Variants in RASSF8 observed in about 807,000 individuals in gnomAD.
The protein encoded by RASSF8 is ras association domain-containing protein 8.
Under a neutral mutation model 48.5 loss-of-function variants are expected in RASSF8, and 22 were observed. That is an observed-to-expected ratio of 0.45 (90% confidence interval 0.32 to 0.65). RASSF8 has a LOEUF of 0.65. RASSF8 is among the 30% of genes least tolerant of loss of function. The probability of loss-of-function intolerance (pLI) is 0.03; values close to 1 mark genes in which losing one functional copy is unlikely to be tolerated. For missense variants in RASSF8, 418 were observed against 489.2 expected, an observed-to-expected ratio of 0.85 and a Z score of 1.37; for synonymous variants, 127 against 171.5, an observed-to-expected ratio of 0.74 and a Z score of 2.03.
At chr12:26,073,640 G>A (rs2137351101), downstream of RASSF8, among the ~76,000 whole-genome samples, 1 of 152,008 alleles carries the variant, frequency 6.6e-6, no homozygotes, top group South Asian at 2.1e-4. Flanking sequence ...TCAGGAGGCT[G>A]AGGTGGGAGA....
At chr12:25,986,926 T>TGTTTG (rs57041013) in intron 1 of RASSF8, among the ~76,000 whole-genome samples, 11,965 of 146,630 alleles carry the variant, frequency 0.082, 646 homozygotes, top group East Asian at 0.16. Flanking sequence ...CGTTTTTTTT[T>TGTTTG]TTTGTTTGTT....
chr12:25,968,190 G>T (rs531535160), intron 1 of RASSF8, among the ~76,000 whole-genome samples: 2 of 152,260 alleles, frequency 1.3e-5, no homozygotes, highest in African/African-American at 4.8e-5. Context: ...CATGCCACAG[G>T]CATCCATATC....
At chr12:26,078,036 G>A (rs770111333) in intron 5 of RASSF8, among the ~76,000 whole-genome samples, 2 of 152,256 alleles carry the variant, frequency 1.3e-5, no homozygotes, top group South Asian at 2.1e-4. Flanking sequence ...GAGTAAATCC[G>A]GGAAGACTCT....
chr12:26,012,243 G>C lies in RASSF8; in HGVS notation c.-109+17113G>C, dbSNP rs151062895. ...AATACCTACCTTACAAGATTATTAT[G>C]AGACTTAAATAAATTGACACATTCA... On this transcript the variant is annotated intron_variant, in intron 2 of 5. Coordinates refer to ENST00000689635, the MANE Select transcript of RASSF8 (RefSeq NM_001394098.1). 1.4e-3 allele frequency among the ~76,000 whole-genome samples: 218 copies of C among 152,290 alleles called. 1 individual carries two copies. Among genetic ancestry groups the C allele is most frequent in the South Asian group, 9.5e-3 (46 of 4,826 alleles).
chr12:25,997,317 A>G (rs1347371177), intron 2 of RASSF8, among the ~76,000 whole-genome samples: 1 of 152,136 alleles, frequency 6.6e-6, no homozygotes, highest in Non-Finnish European at 1.5e-5. Context: ...GATAAACAGG[A>G]CTTAGTTCTA....
At position 26,065,154 on chromosome 12, in the gene RASSF8, T is replaced by C. The variant is rs778299936; in HGVS notation, c.760T>C (p.Cys254Arg). 1 of 1,613,886 alleles carries C rather than the reference T, an allele frequency of 6.2e-7. No homozygotes were observed. The highest frequency in any genetic ancestry group is 8.5e-7 in the Non-Finnish European group (1 of 1,179,934). The change falls in exon 4 of 6, where the codon TGT becomes CGT. Residue 254 changes from cysteine to arginine, a missense_variant. By Grantham distance (180) the Cys-to-Arg change is radical. Transcript: ENST00000689635. ...AGAAATAAGACAGAAAATAACAGAATGTGAAAACAAATTAAAGGACTATTT... is the reference window on the plus strand; with the variant it reads ...AGAAATAAGACAGAAAATAACAGAACGTGAAAACAAATTAAAGGACTATTT... ...LQEIRQKITECENKLKDYLAQ... is the reference protein window; with the variant it reads ...LQEIRQKITERENKLKDYLAQ...
At chr12:25,993,593 A>G (rs1214661040) in intron 1 of RASSF8, among the ~76,000 whole-genome samples, 1 of 152,172 alleles carries the variant, frequency 6.6e-6, no homozygotes, top group East Asian at 1.9e-4. Context: ...CTTGGTTTTC[A>G]ATTTGCTATC....
intron 3 of RASSF8, among the ~76,000 whole-genome samples, chr12:26,056,813 A>C (rs1943612867): frequency 6.6e-6 from 1 of 152,242 alleles, no homozygotes. Context: ...CTTAAGTTTA[A>C]TTATTAAAGA....
intron 1 of RASSF8, among the ~76,000 whole-genome samples, chr12:25,982,314 C>T (rs1385042562): frequency 6.6e-6 from 1 of 152,048 alleles, no homozygotes; most frequent in African/African-American, 2.4e-5. Context: ...ATTTAGATTA[C>T]AAATAGTAGT....
In RASSF8 at chr12:26,069,661, T is replaced by C. The variant is rs1943959461; in HGVS notation, c.*843T>C. ...GTCTTATCATTTACACTCATGGATCTTCAGAATTAATCTAACATGGAAGTT... is the reference window on the plus strand; with the variant it reads ...GTCTTATCATTTACACTCATGGATCCTCAGAATTAATCTAACATGGAAGTT... On this transcript the variant is annotated 3_prime_UTR_variant, in exon 6 of 6. Coordinates refer to ENST00000689635, the MANE Select transcript of RASSF8 (RefSeq NM_001394098.1). 10 of 985,452 alleles carry C rather than the reference T, an allele frequency of 1.0e-5. No homozygotes were observed. The highest frequency in any genetic ancestry group is 1.2e-5 in the Non-Finnish European group (10 of 829,932). The allele number at this position is 985,452 out of a possible 1,614,324, so 61.0% of individuals were successfully genotyped here.
At chr12:26,033,688 T>A (rs1943073918) in intron 2 of RASSF8, among the ~76,000 whole-genome samples, 5 of 152,148 alleles carry the variant, frequency 3.3e-5, no homozygotes, top group Admixed American at 6.5e-5. Context: ...TGAAATTTTT[T>A]AATGGCATAT....
At position 26,072,581 on chromosome 12, in the gene RASSF8, A is replaced by G; in HGVS notation, c.*3763A>G. 3 of 985,376 alleles carry G rather than the reference A, an allele frequency of 3.0e-6. No homozygotes were observed. Among genetic ancestry groups the G allele is most frequent in the Non-Finnish European group, 3.6e-6 (3 of 829,878 alleles). The allele number at this position is 985,376 out of a possible 1,614,324, so 61.0% of individuals were successfully genotyped here. The stretch of plus-strand genomic sequence containing the variant: ...TAGATTTACAGCCAGACATGGTGAT[A>G]GCCCTAAATGTATTTCTCAATATGT... On this transcript the variant is annotated 3_prime_UTR_variant, in exon 6 of 6. Coordinates refer to ENST00000689635, the MANE Select transcript of RASSF8 (RefSeq NM_001394098.1).
intron 2 of RASSF8, among the ~76,000 whole-genome samples, chr12:26,010,682 T>C (rs1048091781): frequency 3.9e-5 from 6 of 152,316 alleles, no homozygotes; most frequent in African/African-American, 1.4e-4. Flanking sequence ...TCAGTCACTT[T>C]AAGGAATAGG....
At chr12:26,073,754 C>CT (rs1565653835), downstream of RASSF8, among the ~76,000 whole-genome samples, 216 of 112,674 alleles carry the variant, frequency 1.9e-3, no homozygotes, top group African/African-American at 7.3e-3. Flanking sequence ...TCTATACACA[C>CT]ACACACACAC....
At chr12:25,980,547 T>A (rs1330337834) in intron 1 of RASSF8, among the ~76,000 whole-genome samples, 5 of 152,202 alleles carry the variant, frequency 3.3e-5, no homozygotes, top group African/African-American at 9.7e-5. Flanking sequence ...TTCCATTTTT[T>A]AAAAGCATCA....
At chr12:26,018,517 A>G (rs1942706553) in intron 2 of RASSF8, among the ~76,000 whole-genome samples, 1 of 152,222 alleles carries the variant, frequency 6.6e-6, no homozygotes, top group Non-Finnish European at 1.5e-5. Context: ...ATTAGTAACC[A>G]TAGAATGTGA....
intron 2 of RASSF8, among the ~76,000 whole-genome samples, chr12:26,046,846 A>G (rs893974296): frequency 7.2e-5 from 11 of 152,248 alleles, no homozygotes; most frequent in African/African-American, 2.7e-4. Context: ...TTATACTTAA[A>G]TCTACCTTAA....
chr12:26,064,866 A>T lies in RASSF8; in HGVS notation c.472A>T (p.Asn158Tyr). ...ETEFKQKVLN[N>Y]CKTTADELKK... is the part of the protein sequence containing the mutation. ...TGAGTTTAAGCAAAAGGTGCTGAAT[A>T]ACTGCAAAACAACAGCAGATGAGTT... Residue 158 changes from asparagine to tyrosine, a missense_variant, in exon 4 of 6, where the codon AAC (asparagine) becomes TAC (tyrosine). Asn to Tyr is a moderately radical substitution (Grantham distance 143). Transcript: ENST00000689635. The T allele has an allele frequency of 6.2e-7, 1 of 1,614,250 alleles. No homozygotes were observed. Among genetic ancestry groups the T allele is most frequent in the Non-Finnish European group, 8.5e-7 (1 of 1,180,034 alleles).
At chr12:26,025,877 G>T (rs1257051518) in intron 2 of RASSF8, among the ~76,000 whole-genome samples, 1 of 151,770 alleles carries the variant, frequency 6.6e-6, no homozygotes, top group East Asian at 1.9e-4. Context: ...ATTGTTGAAA[G>T]AAATTAAAGA....
Sources: allele counts gnomAD v4.1 joint callset (sites outside exome capture counted in the v4.1 genomes callset), GRCh38; gene constraint gnomAD v4.1.1; transcripts MANE v1.5; gene names NCBI Gene and HGNC (gene_info 2026-07-23, HGNC 2026-07-21).